RBM28: variants seen among roughly 807,000 people sequenced by gnomAD.
RBM28 encodes the protein RNA-binding protein 28.
RBM28 carries 78 observed loss-of-function variants against 98.3 expected under a neutral mutation model. The ratio of observed to expected loss-of-function variants is 0.79; its 90% CI spans 0.66 to 0.96. RBM28 has a LOEUF of 0.96. RBM28 is among the 40% of genes least tolerant of loss of function. The pLI, the probability that RBM28 is intolerant of heterozygous loss-of-function variation, is 0.00. For missense variants in RBM28, 838 were observed against 913.0 expected (o/e 0.92, Z 1.06); for synonymous variants, 306 against 330.9 (o/e 0.92, Z 0.82).
chr7:128,317,878 G>A (rs1381195709), intron 15 of RBM28, 79 bp downstream of exon 15: 2 of 1,581,986 alleles, frequency 1.3e-6, no homozygotes, highest in African/African-American at 2.7e-5. Flanking sequence ...AATGTCAGAG[G>A]ACACTAGGCA....
chr7:128,342,499 T>A (rs781413251), intron 1 of RBM28, among the ~76,000 whole-genome samples: 3 of 151,998 alleles, frequency 2.0e-5, no homozygotes, highest in Non-Finnish European at 2.9e-5. Context: ...CTGGCCAACA[T>A]AGCGAAACCC....
At chr7:128,335,276 T>G (rs1796571411) in intron 8 of RBM28, among the ~76,000 whole-genome samples, 1 of 152,182 alleles carries the variant, frequency 6.6e-6, no homozygotes, top group African/African-American at 2.4e-5. Context: ...ACCTCAGCAT[T>G]AAGCTAGGTT....
chr7:128,327,719 C>G (rs146048977), intron 10 of RBM28, among the ~76,000 whole-genome samples: 1 of 151,946 alleles, frequency 6.6e-6, no homozygotes, highest in African/African-American at 2.4e-5. Flanking sequence ...AAGCTGGTCT[C>G]GAACTCCCAA....
rs747678182 is a variant in RBM28, at chr7:128,335,797, G to C, written c.809+50C>G. 5 of 1,613,786 alleles carry C rather than the reference G, an allele frequency of 3.1e-6. No homozygotes were observed. The African/African-American group carries it at 6.7e-5, about 22-fold the overall frequency. On this transcript the variant is annotated intron_variant, in intron 7 of 18. Coordinates refer to ENST00000223073, the MANE Select transcript of RBM28 (RefSeq NM_018077.3). ...AAAAAGGAGAATTTTTCCTCTCGGA[G>C]ACAATCTTGAATCTTCCTCTGCTGT...
intron 9 of RBM28, 48 bp downstream of exon 9, chr7:128,333,242 G>T: frequency 7.1e-7 from 1 of 1,408,090 alleles, no homozygotes; most frequent in African/African-American, 1.4e-5. Flanking sequence ...AAGGAAGAGA[G>T]ATCTATGAAG....
In RBM28 at chr7:128,303,182, A is replaced by AGCTGGCAAAAAGT. The variant is rs1286567921; in HGVS notation, c.*7602_*7614dup. The AGCTGGCAAAAAGT allele has an allele frequency of 6.6e-6, 1 of 152,230 alleles. No individual in the cohort carries two copies. The highest frequency in any genetic ancestry group is 1.5e-5 in the Non-Finnish European group (1 of 68,042). 9.4% of individuals were successfully genotyped at this position (152,230 alleles called of 1,614,324 possible). A position where few individuals can be genotyped will look rare whatever the true frequency, so the allele number is the denominator to read the frequency against. On this transcript the variant is annotated 3_prime_UTR_variant, in exon 19 of 19. Coordinates refer to ENST00000223073, the MANE Select transcript of RBM28 (RefSeq NM_018077.3). ...TTTTAATCCCAAAAACATTTGGTAT[A>AGCTGGCAAAAAGT]GCTGGCAAAAAGTGTTCTGTTCTTA...
rs1018285734 is a variant in RBM28, at chr7:128,330,209, A to C, written c.1129+610T>G. Among the ~76,000 whole-genome samples, 5 of 152,104 alleles carry C rather than the reference A, an allele frequency of 3.3e-5. No individual in the cohort carries two copies. In the East Asian group the frequency reaches 9.6e-4, roughly 29 times the overall value. ...TTTCAAGCAATGTGGAATGATTAGT[A>C]CCTATGAGATACTATCACATTTGAA... On this transcript the variant is annotated intron_variant, in intron 10 of 18. Coordinates refer to ENST00000223073, the MANE Select transcript of RBM28 (RefSeq NM_018077.3).
intron 16 of RBM28, 50 bp from the exon 17 acceptor site, chr7:128,315,070 C>T (rs755557813): frequency 3.7e-6 from 6 of 1,610,546 alleles, no homozygotes; most frequent in Non-Finnish European, 5.1e-6. Context: ...GCTTTGTTTG[C>T]TGCAAATACT....
intron 2 of RBM28, 95 bp from the exon 3 acceptor site, chr7:128,339,416 T>G: frequency 2.5e-6 from 3 of 1,217,938 alleles, no homozygotes; most frequent in Non-Finnish European, 3.5e-6. Context: ...ACAGATGGCA[T>G]TTACCACAGG....
Position 128,303,824 on chromosome 7 carries a change from A to G in RBM28, c.*6973T>C, listed in dbSNP as rs954239994. On this transcript the variant is annotated 3_prime_UTR_variant, in exon 19 of 19. Transcript: ENST00000223073. ...TCATTATTCTTCCCAGGCGGGGTCA[A>G]CTTCCTCTATTAACACCCATGCACG... 1.3e-4 allele frequency: 20 copies of G among 152,226 alleles called. No individual in the cohort carries two copies. Among genetic ancestry groups the G allele is most frequent in the African/African-American group, 4.6e-4 (19 of 41,462 alleles). The allele number at this position is 152,226 out of a possible 1,614,324, so 9.4% of individuals were successfully genotyped here.
intron 11 of RBM28, among the ~76,000 whole-genome samples, chr7:128,324,962 A>G (rs555144523): frequency 3.0e-4 from 46 of 152,300 alleles, no homozygotes; most frequent in African/African-American, 1.1e-3. Flanking sequence ...GTGAGCGGAC[A>G]TCGCGCAACT....
In RBM28 at chr7:128,339,634, A is replaced by G. The variant is rs1415085673; in HGVS notation, c.276T>C (p.Asn92=). Residue 92 remains asparagine, a splice_region_variant and synonymous_variant, in exon 2 of 19, where the codon AAT becomes AAC. Coordinates refer to ENST00000223073, the MANE Select transcript of RBM28 (RefSeq NM_018077.3). ...LRNKTKEKGK[N]ENSECPKKEP... ...TTCCTTCAATTACTAGAAACTCACC[A>G]TTTTTCCCCTTTTCCTTTGTCTTGT... 2 of 1,613,620 alleles carry G rather than the reference A, an allele frequency of 1.2e-6. No individual in the cohort carries two copies. Among genetic ancestry groups the G allele is most frequent in the African/African-American group, 1.3e-5 (1 of 74,888 alleles).
intron 10 of RBM28, among the ~76,000 whole-genome samples, 153 bp from the exon 11 acceptor site, chr7:128,326,044 C>A (rs958399246): frequency 1.3e-5 from 2 of 152,170 alleles, no homozygotes; most frequent in Non-Finnish European, 2.9e-5. Context: ...GTGGCTCACA[C>A]CTGTAATCCC....
Position 128,299,180 on chromosome 7 carries a change from C to T in RBM28, c.*11617G>A, listed in dbSNP as rs1795749017. On this transcript the variant is annotated 3_prime_UTR_variant, in exon 19 of 19. Transcript: ENST00000223073. Reference sequence around the variant, plus strand: ...GGAAGAACTTGGGTCAGCCAAGAAGCAGAGGGGGTGAGGGAAAAGCACGAT... The same window carrying T: ...GGAAGAACTTGGGTCAGCCAAGAAGTAGAGGGGGTGAGGGAAAAGCACGAT... 1 of 152,190 alleles carries T rather than the reference C, an allele frequency of 6.6e-6. No homozygotes were observed. The highest frequency in any genetic ancestry group is 6.6e-5 in the Admixed American group (1 of 15,266). 9.4% of individuals were successfully genotyped at this position (152,190 alleles called of 1,614,324 possible).
At position 128,302,359 on chromosome 7, in the gene RBM28, G is replaced by A. The variant is rs1468123301; in HGVS notation, c.*8438C>T. 1 of 152,198 alleles carries A rather than the reference G, an allele frequency of 6.6e-6. No homozygotes were observed. Among genetic ancestry groups the A allele is most frequent in the Non-Finnish European group, 1.5e-5 (1 of 68,038 alleles). The allele number at this position is 152,198 out of a possible 1,614,324, so 9.4% of individuals were successfully genotyped here. ...GAGGATCGAGGGTATGTGACTGCCTGAGCAGCTACTTCAATCCTAATGTCC... is the reference window on the plus strand; with the variant it reads ...GAGGATCGAGGGTATGTGACTGCCTAAGCAGCTACTTCAATCCTAATGTCC... On this transcript the variant is annotated 3_prime_UTR_variant, in exon 19 of 19. Transcript: ENST00000223073.
chr7:128,335,564 T>A lies in RBM28; in HGVS notation c.925A>T (p.Thr309Ser). The A allele has an allele frequency of 6.2e-7, 1 of 1,614,200 alleles. No homozygotes were observed. The highest frequency in any genetic ancestry group is 8.5e-7 in the Non-Finnish European group (1 of 1,180,020). ...AAACCTTTATCCTCTTGCTCCTCAG[T>A]GCTGGTATCACTCTGAGCCAGTTCC... The part of the protein sequence containing the change: ...GEELAQSDTS[T>S]EEQEDKAVQV... Residue 309 changes from threonine (T) to serine (S), a missense_variant, in exon 8 of 19, where the codon ACT (threonine) becomes TCT (serine). By Grantham distance (58) the Thr-to-Ser change is moderately conservative (BLOSUM62 1). Transcript: ENST00000223073.
At chr7:128,341,759 C>T (rs180730215) in intron 1 of RBM28, among the ~76,000 whole-genome samples, 2 of 152,306 alleles carry the variant, frequency 1.3e-5, no homozygotes, top group East Asian at 1.9e-4. Flanking sequence ...CACCTGGGTA[C>T]GGAATGCTAC....
Position 128,301,057 on chromosome 7 carries a change from T to C in RBM28, c.*9740A>G, listed in dbSNP as rs1795776077. Reference sequence around the variant, plus strand: ...GTGGGGCCAGCACCACCTGAGGACATGTAGCCTTCCCAGGATTCTGGCGTG... The same window carrying C: ...GTGGGGCCAGCACCACCTGAGGACACGTAGCCTTCCCAGGATTCTGGCGTG... On this transcript the variant is annotated 3_prime_UTR_variant, in exon 19 of 19. Transcript: ENST00000223073. 6.6e-6 allele frequency: 1 copy of C among 152,334 alleles called. No homozygotes were observed. The highest frequency in any genetic ancestry group is 1.9e-4 in the East Asian group (1 of 5,176). 9.4% of individuals were successfully genotyped at this position (152,334 alleles called of 1,614,324 possible). A position where few individuals can be genotyped will look rare whatever the true frequency, so the allele number is the denominator to read the frequency against.
chr7:128,332,744 A>G (rs534794987), intron 9 of RBM28, among the ~76,000 whole-genome samples: 1 of 152,338 alleles, frequency 6.6e-6, no homozygotes, highest in South Asian at 2.1e-4. Context: ...AAGGACTAGA[A>G]GGCAGGCCTG....
Sources: gnomAD v4.1 joint callset for allele counts (sites outside exome capture counted in the v4.1 genomes callset) on GRCh38, gnomAD v4.1.1 for gene constraint, MANE v1.5 for transcripts, NCBI Gene and HGNC (gene_info 2026-07-23, HGNC 2026-07-21) for gene names.